The following ANKRD30A variants were observed in gnomAD, a reference collection of about 807,000 sequenced individuals.
The protein encoded by ANKRD30A is ankyrin repeat domain 30A, also known as ankyrin repeat domain-containing protein 30A.
In ANKRD30A, 170 loss-of-function variants were observed where a neutral mutation model predicts 166.3. The ratio of observed to expected loss-of-function variants is 1.02; its 90% confidence interval spans 0.90 to 1.16. The LOEUF (loss-of-function observed/expected upper bound fraction) is 1.16, where lower values mean the gene tolerates loss of function less well. Among genes scored for constraint, ANKRD30A ranks in the 50% most tolerant of loss-of-function variants. The pLI is 0.00. For missense variants in ANKRD30A, 1,630 were observed against 1,518.0 expected, an observed-to-expected ratio of 1.07 and a Z score of -1.23; for synonymous variants, 564 against 508.9, an observed-to-expected ratio of 1.11 and a Z score of -1.46.
chr10:37,242,881 T>C, the ANKRD30A span, among the ~76,000 whole-genome samples: 4 of 152,198 alleles, frequency 2.6e-5, no homozygotes, highest in Non-Finnish European at 4.4e-5. Context: ...GTACAATACA[T>C]ACTAAAGTTA....
rs374212900 is a variant in ANKRD30A at position 37,208,059 on chromosome 10, CT to C, written c.2869+6739del. The stretch of plus-strand genomic sequence containing the variant: ...GTGGGGAAAGGAAGACAAGAGACTG[CT>C]TTTTAGAAGAAAAAAAAATTCATAC... On this transcript the variant is annotated intron_variant, in intron 31 of 35. Coordinates refer to ENST00000361713, the MANE Select transcript of ANKRD30A (RefSeq NM_052997.3). Among the ~76,000 whole-genome samples the C allele has an allele frequency of 1.1e-3, 173 of 152,118 alleles. 3 individuals carry two copies. The East Asian group carries it at 0.027, about 24-fold the overall frequency.
At chr10:37,166,274 T>C (rs1839333477) in intron 18 of ANKRD30A, among the ~76,000 whole-genome samples, 1 of 152,204 alleles carries the variant, frequency 6.6e-6, no homozygotes, top group African/African-American at 2.4e-5. Context: ...TTATTTATTT[T>C]TGATGAGGAC....
chr10:37,142,143 A>G lies in ANKRD30A; in HGVS notation c.1246A>G (p.Lys416Glu), dbSNP rs1253694216. The change falls in exon 7 of 36, where the codon AAG becomes GAG. Residue 416 changes from lysine (K) to glutamate (E), a missense_variant. Physicochemically the swap from Lys to Glu is moderately conservative, Grantham distance 56 (BLOSUM62 1). Coordinates refer to ENST00000361713, the MANE Select transcript of ANKRD30A (RefSeq NM_052997.3). ...FTWAAKGRPR[K>E]IAWEKKETPV... ...GTGGGCAGCAAAAGGAAGACCTAGG[A>G]AGATCGCATGGGAGAAAAAAGAAAC... The G allele has an allele frequency of 1.6e-5, 26 of 1,614,166 alleles. No individual in the cohort carries two copies. The highest frequency in any genetic ancestry group is 2.0e-5 in the Non-Finnish European group (24 of 1,180,040).
intron 31 of ANKRD30A, among the ~76,000 whole-genome samples, chr10:37,211,966 A>T (rs1367479505): frequency 6.6e-6 from 1 of 151,438 alleles, no homozygotes; most frequent in Non-Finnish European, 1.5e-5. Context: ...CCTTTGCCCA[A>T]TTTTTGATGG....
chr10:37,165,795 G>A (rs1396390434), intron 18 of ANKRD30A, among the ~76,000 whole-genome samples: 1 of 152,116 alleles, frequency 6.6e-6, no homozygotes, highest in Non-Finnish European at 1.5e-5. Flanking sequence ...ACAGCAGCAT[G>A]AGCGTCAAAT....
intron 24 of ANKRD30A, among the ~76,000 whole-genome samples, chr10:37,179,340 T>C (rs541238164): frequency 4.6e-5 from 7 of 151,010 alleles, no homozygotes; most frequent in South Asian, 2.1e-4. Flanking sequence ...AAGTCTGTTG[T>C]AACTAAATTT....
intron 27 of ANKRD30A, among the ~76,000 whole-genome samples, chr10:37,193,764 T>C (rs547354068): frequency 5.9e-5 from 9 of 152,276 alleles, no homozygotes; most frequent in Non-Finnish European, 1.2e-4. Flanking sequence ...TGATGACTCT[T>C]GTCTAGACAC....
chr10:37,204,154 A>G (rs2132702101), intron 31 of ANKRD30A, among the ~76,000 whole-genome samples: 1 of 152,292 alleles, frequency 6.6e-6, no homozygotes, highest in Middle Eastern at 3.4e-3. Flanking sequence ...GTTCATATGG[A>G]ACCAAAAAAG....
the ANKRD30A span, among the ~76,000 whole-genome samples, chr10:37,256,562 A>G: frequency 6.6e-6 from 1 of 152,252 alleles, no homozygotes; most frequent in African/African-American, 2.4e-5. Context: ...AGTACCCAGC[A>G]TAAAATAGAC....
intron 17 of ANKRD30A, among the ~76,000 whole-genome samples, chr10:37,164,365 G>A (rs1034028248): frequency 5.4e-5 from 8 of 148,866 alleles, no homozygotes; most frequent in African/African-American, 7.5e-5. Context: ...CCTATTACAC[G>A]TGGGAACATT....
the ANKRD30A span, among the ~76,000 whole-genome samples, chr10:37,252,317 A>G: frequency 2.0e-5 from 3 of 152,212 alleles, no homozygotes; most frequent in East Asian, 5.8e-4. Context: ...ATAGGCATGA[A>G]TTAAGCAACT....
At chr10:37,195,832 A>T (rs1398128808) in intron 27 of ANKRD30A, among the ~76,000 whole-genome samples, 3 of 152,038 alleles carry the variant, frequency 2.0e-5, no homozygotes, top group African/African-American at 7.2e-5. Context: ...GAGTTGCAAA[A>T]GGAGAGGCCT....
intron 31 of ANKRD30A, among the ~76,000 whole-genome samples, chr10:37,214,358 A>G (rs1842495874): frequency 6.6e-6 from 1 of 151,276 alleles, no homozygotes; most frequent in Non-Finnish European, 1.5e-5. Flanking sequence ...CATTCTGACA[A>G]TCTGCTTTTG....
chr10:37,250,285 C>T, the ANKRD30A span, among the ~76,000 whole-genome samples: 30 of 152,070 alleles, frequency 2.0e-4, no homozygotes, highest in African/African-American at 6.8e-4. Context: ...TATTGAAGTT[C>T]TTGAAAGATG....
At chr10:37,248,939 C>T in the ANKRD30A span, among the ~76,000 whole-genome samples, 2 of 152,118 alleles carry the variant, frequency 1.3e-5, no homozygotes, top group Admixed American at 6.5e-5. Context: ...GTGAGCACAG[C>T]TGCATGGCCA....
At chr10:37,221,846 A>C (rs1011236575) in intron 34 of ANKRD30A, among the ~76,000 whole-genome samples, 2 of 151,330 alleles carry the variant, frequency 1.3e-5, no homozygotes, top group African/African-American at 2.4e-5. Context: ...CCAGAAAATT[A>C]TCTTATTTCT....
At chr10:37,152,261 T>A in intron 12 of ANKRD30A, 140 bp downstream of exon 12, 1 of 713,602 alleles carries the variant, frequency 1.4e-6, no homozygotes, top group Non-Finnish European at 2.3e-6. Context: ...ATATGCTTAA[T>A]GGAGAATCTA....
chr10:37,144,607 G>A (rs1564481472), intron 7 of ANKRD30A, among the ~76,000 whole-genome samples: 2 of 152,056 alleles, frequency 1.3e-5, no homozygotes, highest in Non-Finnish European at 2.9e-5. Context: ...ATAAAGATTA[G>A]TCAATCAAAC....
intron 1 of ANKRD30A, among the ~76,000 whole-genome samples, chr10:37,127,046 CAAAAAAAAAAAAAAAAAAAAA>C (rs71007622): frequency 2.1e-3 from 35 of 16,504 alleles, no homozygotes; most frequent in African/African-American, 8.6e-3. Flanking sequence ...AACTCTGTCT[CAAAAAAAAAAAAAAAAAAAAA>C]AAAAAAAAAA....
Sources: gnomAD v4.1 joint callset for allele counts (sites outside exome capture counted in the v4.1 genomes callset) on GRCh38, gnomAD v4.1.1 for gene constraint, MANE v1.5 for transcripts, NCBI Gene and HGNC (gene_info 2026-07-23, HGNC 2026-07-21) for gene names.